The following SNX27 variants were observed in gnomAD, a reference collection of about 807,000 sequenced individuals.
SNX27 encodes sorting nexin-27.
In SNX27, 22 loss-of-function variants were observed where a neutral mutation model predicts 71.6. The observed-to-expected ratio is 0.31, with a 90% CI of 0.22 to 0.44. The LOEUF is 0.44. Ranked by LOEUF, SNX27 falls within the 20% of genes least tolerant of loss-of-function variation. The probability of loss-of-function intolerance (pLI) is 1.00; values close to 1 mark genes in which losing one functional copy is unlikely to be tolerated. For synonymous variants in SNX27, 269 were observed against 277.2 expected (o/e 0.97, Z 0.29); for missense variants, 531 against 698.6 (o/e 0.76, Z 2.70).
rs778000318 is a variant in SNX27, at chr1:151,683,441, T to A, written c.1235T>A (p.Val412Asp). ...LQKLYEQRKM[V>D]MYLNMLRTCE... ...AAGCTATACGAACAAAGAAAAATGG[T>A]CATGGTAAGTTTATGTCCCCATAAT... Residue 412 changes from valine (V) to aspartate (D), a missense_variant, in exon 8 of 12, where the codon GTC becomes GAC. By Grantham distance (152) the Val-to-Asp change is radical. Coordinates refer to ENST00000458013, the MANE Select transcript of SNX27 (RefSeq NM_001330723.2). 2.5e-6 allele frequency: 4 copies of A among 1,612,094 alleles called. No individual in the cohort carries two copies. The highest frequency in any genetic ancestry group is 3.4e-6 in the Non-Finnish European group (4 of 1,178,938).
intron 8 of SNX27, among the ~76,000 whole-genome samples, chr1:151,688,054 C>T (rs1394503490): frequency 6.6e-6 from 1 of 151,830 alleles, no homozygotes; most frequent in Non-Finnish European, 1.5e-5. Flanking sequence ...CTATACCTGT[C>T]CAATTCTCTG....
In SNX27 at chr1:151,638,871, T is replaced by A. The variant is rs755011533; in HGVS notation, c.312-17T>A. On this transcript the variant is annotated splice_polypyrimidine_tract_variant and intron_variant, in intron 1 of 11. Coordinates refer to ENST00000458013, the MANE Select transcript of SNX27 (RefSeq NM_001330723.2). The stretch of plus-strand genomic sequence containing the variant: ...CTTCTGGTTTATGGGATTGTCTTTT[T>A]CCCTTTTTCCCCTTAGGAACCACGT... The A allele has an allele frequency of 6.2e-7, 1 of 1,613,648 alleles. No individual in the cohort carries two copies. Among genetic ancestry groups the A allele is most frequent in the South Asian group, 1.1e-5 (1 of 91,060 alleles).
At chr1:151,615,932 A>G (rs942272102) in intron 1 of SNX27, 2 of 528,544 alleles carry the variant, frequency 3.8e-6, no homozygotes, top group Non-Finnish European at 4.8e-6. Context: ...TTAGTCCTGA[A>G]ACTAAATTGG....
At position 151,696,077 on chromosome 1, in the gene SNX27, G is replaced by A. The variant is rs1671686973; in HGVS notation, c.*1660G>A. 6.6e-6 allele frequency: 1 copy of A among 152,208 alleles called. No homozygotes were observed. The highest frequency in any genetic ancestry group is 6.5e-5 in the Admixed American group (1 of 15,280). 9.4% of individuals were successfully genotyped at this position (152,208 alleles called of 1,614,324 possible). On this transcript the variant is annotated 3_prime_UTR_variant, in exon 12 of 12. Coordinates refer to ENST00000458013, the MANE Select transcript of SNX27 (RefSeq NM_001330723.2). The stretch of plus-strand genomic sequence containing the variant: ...TGGATCTCCCAAGTTTTAATTGAAA[G>A]GAGACTGAACGAAAACCTTTCTGCT...
At chr1:151,693,157 G>T in intron 10 of SNX27, 118 bp downstream of exon 10, 1 of 1,413,484 alleles carries the variant, frequency 7.1e-7, no homozygotes, top group Non-Finnish European at 9.7e-7. Flanking sequence ...ATCCGAACCT[G>T]TTTGAATCCT....
intron 8 of SNX27, among the ~76,000 whole-genome samples, chr1:151,692,108 G>A (rs1671479460): frequency 6.6e-6 from 1 of 152,084 alleles, no homozygotes; most frequent in Non-Finnish European, 1.5e-5. Context: ...GCTGAGGCAG[G>A]AGGATCACTG....
intron 1 of SNX27, among the ~76,000 whole-genome samples, chr1:151,637,037 A>C (rs1384091534): frequency 6.6e-6 from 1 of 152,170 alleles, no homozygotes; most frequent in Non-Finnish European, 1.5e-5. Flanking sequence ...TTAAAAACTC[A>C]GTCAAGACCA....
At chr1:151,629,583 A>G (rs1174655617) in intron 1 of SNX27, among the ~76,000 whole-genome samples, 1 of 148,936 alleles carries the variant, frequency 6.7e-6, no homozygotes, top group Non-Finnish European at 1.5e-5. Context: ...GTGTATATAT[A>G]TAATTTTTTT....
chr1:151,682,550 T>C (rs1671014111), intron 7 of SNX27, among the ~76,000 whole-genome samples: 1 of 152,114 alleles, frequency 6.6e-6, no homozygotes, highest in South Asian at 2.1e-4. Flanking sequence ...CTCGAACTCC[T>C]GACCTTGTGA....
At chr1:151,637,433 C>T (rs943766914) in intron 1 of SNX27, among the ~76,000 whole-genome samples, 2 of 152,156 alleles carry the variant, frequency 1.3e-5, no homozygotes, top group African/African-American at 4.8e-5. Context: ...CCGCCTCGGC[C>T]TCCCAAAGTG....
chr1:151,677,901 G>A (rs1670768383), intron 7 of SNX27: 1 of 152,146 alleles, frequency 6.6e-6, no homozygotes, highest in Non-Finnish European at 1.5e-5. Flanking sequence ...TTGAGGTATA[G>A]TTTACATACA....
rs1004258589 is a variant in SNX27, at chr1:151,638,899, A to G, written c.323A>G (p.Asn108Ser). ...CTTTTTCCCCTTAGGAACCACGTGA[A>G]TGTTGAGGGGGCGACACACAAGCAG... ...GDRILEVNHV[N>S]VEGATHKQVV... The change falls in exon 2 of 12, where the codon AAT becomes AGT. Residue 108 changes from asparagine (N) to serine (S), a missense_variant. By Grantham distance (46) the Asn-to-Ser change is conservative (BLOSUM62 1). Coordinates refer to ENST00000458013, the MANE Select transcript of SNX27 (RefSeq NM_001330723.2). The G allele has an allele frequency of 6.2e-7, 1 of 1,614,180 alleles. No individual in the cohort carries two copies.
rs954115386 is a variant in SNX27, at chr1:151,662,063, A to G, written c.802-103A>G. Reference sequence around the variant, plus strand: ...TTTTTTCCCGTTTTCATTGGAACTCACTTCTTCTCTACCACGTTTTAGGTT... The same window carrying G: ...TTTTTTCCCGTTTTCATTGGAACTCGCTTCTTCTCTACCACGTTTTAGGTT... On this transcript the variant is annotated intron_variant, in intron 4 of 11. Coordinates refer to ENST00000458013, the MANE Select transcript of SNX27 (RefSeq NM_001330723.2). 5 of 706,668 alleles carry G rather than the reference A, an allele frequency of 7.1e-6. No individual in the cohort carries two copies. The African/African-American group carries it at 9.0e-5, about 13-fold the overall frequency. The allele number at this position is 706,668 out of a possible 1,614,324, so 43.8% of individuals were successfully genotyped here.
chr1:151,666,873 C>T (rs1320147832), intron 6 of SNX27: 1 of 152,048 alleles, frequency 6.6e-6, no homozygotes, highest in East Asian at 1.9e-4. Flanking sequence ...ACTAAGGTAC[C>T]AGGACATCTG....
chr1:151,648,374 G>A (rs373544503), intron 2 of SNX27, among the ~76,000 whole-genome samples: 6 of 151,212 alleles, frequency 4.0e-5, no homozygotes, highest in East Asian at 2.0e-4. Context: ...GATTAAACAT[G>A]AGAAAAGAGT....
chr1:151,668,627 T>G lies in SNX27; in HGVS notation c.1141T>G (p.Phe381Val). The change falls in exon 7 of 12, where the codon TTT becomes GTT. Residue 381 changes from phenylalanine (F) to valine (V), a missense_variant. Coordinates refer to ENST00000458013, the MANE Select transcript of SNX27 (RefSeq NM_001330723.2). Reference protein sequence around the residue: ...NDNDLAVTYFFHQAVDDVKKG... With the variant: ...NDNDLAVTYFVHQAVDDVKKG... ...CAATGACCTTGCTGTTACCTACTTC[T>G]TTCATCAGGTAGGTGAATTGATCTT... 1 of 1,611,748 alleles carries G rather than the reference T, an allele frequency of 6.2e-7. No homozygotes were observed. The highest frequency in any genetic ancestry group is 8.5e-7 in the Non-Finnish European group (1 of 1,179,294).
At chr1:151,668,727 G>T in intron 7 of SNX27, 92 bp downstream of exon 7, 1 of 1,158,676 alleles carries the variant, frequency 8.6e-7, no homozygotes, top group African/African-American at 1.6e-5. Context: ...CCTTAGACAG[G>T]CTGCTTTGCT....
intron 1 of SNX27, among the ~76,000 whole-genome samples, chr1:151,637,143 A>C (rs1341654893): frequency 7.2e-6 from 1 of 138,072 alleles, no homozygotes; most frequent in African/African-American, 2.6e-5. Flanking sequence ...ATATGATCAG[A>C]GTTGATCACG....
intron 1 of SNX27, chr1:151,613,921 C>G (rs1489614861): frequency 6.9e-6 from 1 of 144,178 alleles, no homozygotes; most frequent in African/African-American, 2.6e-5. Context: ...TCGATTTGCC[C>G]ACTTGAAATC....
Sources: allele counts gnomAD v4.1 joint callset (sites outside exome capture counted in the v4.1 genomes callset), GRCh38; gene constraint gnomAD v4.1.1; transcripts MANE v1.5; gene names NCBI Gene and HGNC (gene_info 2026-07-23, HGNC 2026-07-21).